The following IGF2R variants were observed in gnomAD, a reference collection of about 807,000 sequenced individuals.
IGF2R encodes the protein insulin like growth factor 2 receptor.
Under a neutral mutation model 270.6 loss-of-function variants are expected in IGF2R, and 91 were observed. The observed-to-expected ratio is 0.34, with a 90% confidence interval of 0.28 to 0.40. The LOEUF (loss-of-function observed/expected upper bound fraction) is 0.40, where lower values mean the gene tolerates loss of function less well. IGF2R is among the 10% of genes least tolerant of loss of function. The pLI is 1.00. For synonymous variants in IGF2R, 1,316 were observed against 1,258.9 expected (o/e 1.05, Z -0.96); for missense variants, 2,805 against 3,188.3 (o/e 0.88, Z 2.90).
intron 1 of IGF2R, among the ~76,000 whole-genome samples, chr6:159,976,471 T>C (rs1289834007): frequency 6.6e-6 from 1 of 152,162 alleles, no homozygotes; most frequent in African/African-American, 2.4e-5. Context: ...CTTTTCACCT[T>C]TTATTTGCAA....
chr6:160,024,784 AT>A, intron 5 of IGF2R, 80 bp downstream of exon 5: 1 of 1,478,908 alleles, frequency 6.8e-7, no homozygotes, highest in South Asian at 1.2e-5. Context: ...TTCTACCTTT[AT>A]TTCTGTTTTC....
At chr6:160,081,817 G>A (rs901453217) in intron 39 of IGF2R, among the ~76,000 whole-genome samples, 3 of 152,134 alleles carry the variant, frequency 2.0e-5, no homozygotes, top group East Asian at 1.9e-4. Context: ...TGTCCTCACC[G>A]GCCCACAGTC....
chr6:160,006,179 C>T (rs75787472), intron 2 of IGF2R: 2,403 of 155,332 alleles, frequency 0.015, 63 homozygotes, highest in East Asian at 0.098. Context: ...CCTGCATGCC[C>T]TGTGCGCCTG....
chr6:160,010,620 C>T, intron 3 of IGF2R, 67 bp from the exon 4 acceptor site: 2 of 1,021,916 alleles, frequency 2.0e-6, no homozygotes, highest in Non-Finnish European at 3.0e-6. Flanking sequence ...ACTGCATTCT[C>T]ATTTTAAAGA....
intron 4 of IGF2R, among the ~76,000 whole-genome samples, chr6:160,019,947 G>T (rs1777394593): frequency 6.6e-6 from 1 of 152,076 alleles, no homozygotes; most frequent in African/African-American, 2.4e-5. Context: ...CATAGTACTG[G>T]AAGTCCTACC....
chr6:160,053,145 T>A (rs1466225051), intron 19 of IGF2R, among the ~76,000 whole-genome samples: 1 of 152,102 alleles, frequency 6.6e-6, no homozygotes, highest in East Asian at 1.9e-4. Context: ...CTGGAAACCG[T>A]CATTCTCAGC....
intron 20 of IGF2R, among the ~76,000 whole-genome samples, chr6:160,056,909 C>T (rs144020061): frequency 3.3e-5 from 5 of 152,146 alleles, no homozygotes; most frequent in African/African-American, 4.8e-5. Context: ...GGGTAGAGCC[C>T]GTATGTTTTA....
In IGF2R at chr6:160,010,672, A is replaced by ATT; in HGVS notation, c.415-7_415-6dup. The ATT allele has an allele frequency of 3.5e-6, 5 of 1,415,712 alleles. No individual in the cohort carries two copies. Among genetic ancestry groups the ATT allele is most frequent in the African/African-American group, 1.4e-5 (1 of 70,586 alleles). The allele number at this position is 1,415,712 out of a possible 1,614,324, so 87.7% of individuals were successfully genotyped here. A position where few individuals can be genotyped will look rare whatever the true frequency, so the allele number is the denominator to read the frequency against. Reference sequence around the variant, plus strand: ...GTGGTATGGTAACATTATAATTACTATTTTTTTTTAATAGGGAACTCCTGA... The same window carrying ATT: ...GTGGTATGGTAACATTATAATTACTATTTTTTTTTTTAATAGGGAACTCCTGA... On this transcript the variant is annotated splice_polypyrimidine_tract_variant and intron_variant, in intron 3 of 47. Transcript: ENST00000356956.
chr6:160,012,851 T>C lies in IGF2R; in HGVS notation c.513+2066T>C, dbSNP rs537918221. ...TATGTTGGCCAGGCTGGCCTTGAAC[T>C]CCTGACCTCAGGTGATCCGCCTGCC... is the stretch of plus-strand genomic sequence containing the variant. On this transcript the variant is annotated intron_variant, in intron 4 of 47. Transcript: ENST00000356956. Among the ~76,000 whole-genome samples, 23 of 151,498 alleles carry C rather than the reference T, an allele frequency of 1.5e-4. No homozygotes were observed. In the South Asian group the frequency reaches 1.9e-3, roughly 12 times the overall value.
At chr6:159,991,452 AATAC>A in intron 2 of IGF2R, 129 bp downstream of exon 2, 1 of 708,600 alleles carries the variant, frequency 1.4e-6, no homozygotes, top group Non-Finnish European at 2.3e-6. Flanking sequence ...AAGTGTTTAT[AATAC>A]ATAATACACA....
chr6:160,040,313 A>G (rs1777916495), intron 10 of IGF2R, among the ~76,000 whole-genome samples: 1 of 152,132 alleles, frequency 6.6e-6, no homozygotes, highest in African/African-American at 2.4e-5. Flanking sequence ...TGCTGTACAC[A>G]GCCTTCTGTC....
At chr6:160,083,905 C>A (rs1029185209) in intron 39 of IGF2R, 45 bp from the exon 40 acceptor site, 1 of 1,306,400 alleles carries the variant, frequency 7.7e-7, no homozygotes, top group Admixed American at 1.7e-5. Flanking sequence ...TCTGCATAGA[C>A]ACAGTGACAG....
intron 29 of IGF2R, among the ~76,000 whole-genome samples, chr6:160,065,814 G>GTGTGTGTATATATATATATATATATA: frequency 1.3e-5 from 1 of 78,380 alleles, no homozygotes; most frequent in Non-Finnish European, 2.3e-5. Flanking sequence ...GTGTGTGTGT[G>GTGTGTGTATATATATATATATATATA]TATATATATA....
intron 2 of IGF2R, among the ~76,000 whole-genome samples, chr6:160,002,687 A>G (rs575720358): frequency 6.6e-6 from 1 of 152,262 alleles, no homozygotes; most frequent in Admixed American, 6.5e-5. Flanking sequence ...ATAATTATAA[A>G]TTTATGAGTA....
intron 20 of IGF2R, 48 bp from the exon 21 acceptor site, chr6:160,057,975 T>A (rs1391771524): frequency 2.8e-5 from 31 of 1,106,586 alleles, no homozygotes; most frequent in Non-Finnish European, 4.2e-5. Context: ...TATGTTCCTG[T>A]GGAATTGGTT....
Position 160,102,699 on chromosome 6 carries a change from CGGGT to C in IGF2R, c.6995+31_6995+34del. On this transcript the variant is annotated intron_variant, in intron 46 of 47. Coordinates refer to ENST00000356956, the MANE Select transcript of IGF2R (RefSeq NM_000876.4). This position sits in a 1 kb window ranked among gnomAD's most constrained non-coding sequence, Gnocchi z 4.5. Reference sequence around the variant, plus strand: ...AAGCGGGTGGCAGGGCGAGGTGGGGCGGGTGGATGCATGCCTCCCATAGCTAATC... The same window carrying C: ...AAGCGGGTGGCAGGGCGAGGTGGGGCGGATGCATGCCTCCCATAGCTAATC... 1.3e-6 allele frequency: 2 copies of C among 1,561,124 alleles called. No individual in the cohort carries two copies. The highest frequency in any genetic ancestry group is 1.7e-6 in the Non-Finnish European group (2 of 1,148,080).
At chr6:160,011,162 C>T (rs1784327621) in intron 4 of IGF2R, among the ~76,000 whole-genome samples, 1 of 152,198 alleles carries the variant, frequency 6.6e-6, no homozygotes, top group Non-Finnish European at 1.5e-5. Flanking sequence ...CTTCATCTTC[C>T]TTTGCACCTG....
intron 4 of IGF2R, among the ~76,000 whole-genome samples, chr6:160,011,488 A>G (rs1462220218): frequency 6.6e-6 from 1 of 151,312 alleles, no homozygotes; most frequent in Non-Finnish European, 1.5e-5. Flanking sequence ...ATATTTTGAA[A>G]TATGTATACA....
rs1284262265 is a variant in IGF2R, at chr6:160,108,574, C to T, written c.*3490C>T. Reference sequence around the variant, plus strand: ...GAGAAGCCTCAGACTGCCTGCGAGGCTCTCTCTGGGAGGAAGTCAGGTCTT... The same window carrying T: ...GAGAAGCCTCAGACTGCCTGCGAGGTTCTCTCTGGGAGGAAGTCAGGTCTT... On this transcript the variant is annotated 3_prime_UTR_variant, in exon 48 of 48. Transcript: ENST00000356956. The T allele has an allele frequency of 6.6e-6, 1 of 152,252 alleles. No individual in the cohort carries two copies. The highest frequency in any genetic ancestry group is 1.5e-5 in the Non-Finnish European group (1 of 68,062). The allele number at this position is 152,252 out of a possible 1,614,324, so 9.4% of individuals were successfully genotyped here.
Sources: gnomAD v4.1 joint callset for allele counts (sites outside exome capture counted in the v4.1 genomes callset) on GRCh38, gnomAD v4.1.1 for gene constraint, Gnocchi (gnomAD v3.1) non-coding constraint, MANE v1.5 for transcripts, NCBI Gene and HGNC (gene_info 2026-07-23, HGNC 2026-07-21) for gene names.